CTNNA3: variants seen among roughly 807,000 people sequenced by gnomAD.
CTNNA3 encodes the protein catenin alpha-3.
In CTNNA3, 76 loss-of-function variants were observed where a neutral mutation model predicts 95.7. The observed-to-expected ratio is 0.79, with a 90% CI of 0.66 to 0.96. The LOEUF is 0.96. Ranked by LOEUF, CTNNA3 falls within the 40% of genes least tolerant of loss-of-function variation. The pLI, the probability that CTNNA3 is intolerant of heterozygous loss-of-function variation, is 0.00. For synonymous variants in CTNNA3, 431 were observed against 374.4 expected, an observed-to-expected ratio of 1.15 and a Z score of -1.74; for missense variants, 1,191 against 1,089.8, an observed-to-expected ratio of 1.09 and a Z score of -1.31.
intron 5 of CTNNA3, among the ~76,000 whole-genome samples, chr10:67,332,739 G>C (rs992840938): frequency 6.6e-6 from 1 of 151,976 alleles, no homozygotes; most frequent in African/African-American, 2.4e-5. Flanking sequence ...CCATGATTTG[G>C]AGTCGATTGT....
At chr10:67,712,595 G>C (rs1841118143) in intron 1 of CTNNA3, among the ~76,000 whole-genome samples, 1 of 152,226 alleles carries the variant, frequency 6.6e-6, no homozygotes, top group Non-Finnish European at 1.5e-5. Flanking sequence ...CAAGCCCCAA[G>C]CCTTGGCAGC....
intron 1 of CTNNA3, among the ~76,000 whole-genome samples, chr10:67,738,401 A>G (rs566053954): frequency 1.1e-4 from 17 of 152,356 alleles, no homozygotes; most frequent in African/African-American, 3.6e-4. Context: ...GAATAGCAAC[A>G]TCAACAAAAA....
intron 1 of CTNNA3, among the ~76,000 whole-genome samples, chr10:67,713,364 A>C (rs1841123595): frequency 6.6e-6 from 1 of 152,240 alleles, no homozygotes; most frequent in African/African-American, 2.4e-5. Flanking sequence ...ACCATTGTGG[A>C]AGACAGTGTG....
At chr10:67,361,488 T>C (rs886128548) in intron 5 of CTNNA3, among the ~76,000 whole-genome samples, 1 of 152,114 alleles carries the variant, frequency 6.6e-6, no homozygotes, top group Non-Finnish European at 1.5e-5. Flanking sequence ...ACCACACAAT[T>C]ACATTAAAAT....
chr10:66,792,922 T>G (rs1055432466), intron 7 of CTNNA3, among the ~76,000 whole-genome samples: 3 of 152,146 alleles, frequency 2.0e-5, no homozygotes, highest in Admixed American at 6.5e-5. Context: ...AATTATGGCT[T>G]TTTATTGGCC....
intron 10 of CTNNA3, among the ~76,000 whole-genome samples, chr10:66,549,038 G>A (rs1842131275): frequency 7.6e-6 from 1 of 131,780 alleles, no homozygotes; most frequent in South Asian, 2.4e-4. Flanking sequence ...GCCCAGCCTG[G>A]AGCACAGTGG....
At chr10:66,733,230 T>A (rs994999520) in intron 9 of CTNNA3, among the ~76,000 whole-genome samples, 2 of 152,210 alleles carry the variant, frequency 1.3e-5, no homozygotes, top group African/African-American at 2.4e-5. Flanking sequence ...CTAACATTTT[T>A]AAAATTTTCT....
intron 11 of CTNNA3, among the ~76,000 whole-genome samples, chr10:66,507,793 A>C (rs1840504079): frequency 6.6e-6 from 1 of 152,096 alleles, no homozygotes; most frequent in African/African-American, 2.4e-5. Flanking sequence ...GCTATTGAGA[A>C]TAGTGCTGTA....
intron 5 of CTNNA3, among the ~76,000 whole-genome samples, chr10:67,387,076 G>T (rs12248350): frequency 0.067 from 10,258 of 152,220 alleles, 488 homozygotes; most frequent in African/African-American, 0.13. Flanking sequence ...GAATAGGAAC[G>T]GCTCTGGTCT....
chr10:66,999,393 C>G (rs1851551957), intron 7 of CTNNA3, among the ~76,000 whole-genome samples: 1 of 152,016 alleles, frequency 6.6e-6, no homozygotes, highest in Non-Finnish European at 1.5e-5. Flanking sequence ...AATATATAAT[C>G]AAGGATAGGT....
chr10:66,425,491 A>G (rs903919169), intron 11 of CTNNA3, among the ~76,000 whole-genome samples: 7 of 152,044 alleles, frequency 4.6e-5, no homozygotes, highest in Middle Eastern at 3.4e-3. Context: ...TCAGATACGC[A>G]TAATTTCTGA....
At chr10:67,476,041 C>A (rs1186188025) in intron 5 of CTNNA3, among the ~76,000 whole-genome samples, 1 of 152,184 alleles carries the variant, frequency 6.6e-6, no homozygotes, top group Non-Finnish European at 1.5e-5. Context: ...TCATTATATT[C>A]AAAATGTGTA....
chr10:67,197,753 C>G (rs1235707244), intron 6 of CTNNA3, among the ~76,000 whole-genome samples: 2 of 152,002 alleles, frequency 1.3e-5, no homozygotes, highest in African/African-American at 4.8e-5. Flanking sequence ...AGTTTAATAT[C>G]CAGTTAAATA....
intron 7 of CTNNA3, among the ~76,000 whole-genome samples, chr10:67,093,760 T>G (rs1857806262): frequency 6.6e-6 from 1 of 152,004 alleles, no homozygotes; most frequent in Non-Finnish European, 1.5e-5. Flanking sequence ...CATATGCAGA[T>G]TTTAATTTCT....
chr10:66,825,409 G>A (rs568401033), intron 7 of CTNNA3, among the ~76,000 whole-genome samples: 24 of 151,494 alleles, frequency 1.6e-4, no homozygotes, highest in Non-Finnish European at 1.8e-4. Context: ...CCAAGTAGCT[G>A]GGATTATAGC....
intron 10 of CTNNA3, among the ~76,000 whole-genome samples, chr10:66,578,675 T>G: frequency 6.6e-6 from 1 of 152,034 alleles, no homozygotes; most frequent in East Asian, 1.9e-4. Context: ...CCCTACTTGA[T>G]CACCGTAAAT....
rs556210169 is a variant in CTNNA3, at chr10:67,301,925, C to T, written c.580-82055G>A. 4.0e-5 allele frequency among the ~76,000 whole-genome samples: 6 copies of T among 149,580 alleles called. 1 individual carries two copies. The highest frequency in any genetic ancestry group is 4.0e-4 in the East Asian group (2 of 5,002). The stretch of plus-strand genomic sequence containing the variant: ...CGGAGCTTGCAGTGAGCGGAGATCG[C>T]GCCACTGCACCCCAGCCTGGGCGAC... On this transcript the variant is annotated intron_variant, in intron 5 of 17. Transcript: ENST00000433211.
chr10:66,870,660 A>T (rs1360105629), intron 7 of CTNNA3, among the ~76,000 whole-genome samples: 1 of 152,100 alleles, frequency 6.6e-6, no homozygotes. Flanking sequence ...ATCTAATTTC[A>T]CCATCTCTCC....
At chr10:66,287,183 T>C (rs967784349) in intron 12 of CTNNA3, among the ~76,000 whole-genome samples, 1 of 152,054 alleles carries the variant, frequency 6.6e-6, no homozygotes, top group Non-Finnish European at 1.5e-5. Flanking sequence ...TAGTTTCTAC[T>C]ACTTGGAAGG....
Sources: allele counts gnomAD v4.1 joint callset (sites outside exome capture counted in the v4.1 genomes callset), GRCh38; gene constraint gnomAD v4.1.1; transcripts MANE v1.5; gene names NCBI Gene and HGNC (gene_info 2026-07-23, HGNC 2026-07-21).